The following SLC25A13 variants were observed in gnomAD, a reference collection of about 807,000 sequenced individuals.
SLC25A13 encodes the protein electrogenic aspartate/glutamate antiporter SLC25A13, mitochondrial.
Under a neutral mutation model 85.5 loss-of-function variants are expected in SLC25A13, and 70 were observed. The ratio of observed to expected loss-of-function variants is 0.82; its 90% confidence interval spans 0.68 to 1.00. The LOEUF is 1.00. SLC25A13 is among the 50% of genes least tolerant of loss of function. The probability of loss-of-function intolerance (pLI) is 0.00; values close to 1 mark genes in which losing one functional copy is unlikely to be tolerated. For missense variants in SLC25A13, 765 were observed against 819.8 expected (o/e 0.93, Z 0.82); for synonymous variants, 259 against 288.7 (o/e 0.90, Z 1.04).
chr7:96,123,935 T>G (rs1355243896), intron 15 of SLC25A13, among the ~76,000 whole-genome samples: 2 of 152,206 alleles, frequency 1.3e-5, no homozygotes, highest in Non-Finnish European at 2.9e-5. Flanking sequence ...GAATTTTCTC[T>G]ATTCCTAAAG....
intron 14 of SLC25A13, among the ~76,000 whole-genome samples, chr7:96,134,185 C>A (rs1029716979): frequency 4.0e-5 from 6 of 151,722 alleles, no homozygotes; most frequent in African/African-American, 1.5e-4. Context: ...CAGGTGCCTG[C>A]CACCACGCCC....
chr7:96,295,375 T>G (rs1799307538), intron 2 of SLC25A13, among the ~76,000 whole-genome samples: 1 of 151,854 alleles, frequency 6.6e-6, no homozygotes, highest in African/African-American at 2.4e-5. Context: ...AAAAGAAAAT[T>G]TTTCAAACAT....
At chr7:96,123,478 TG>T (rs1166358704) in intron 15 of SLC25A13, among the ~76,000 whole-genome samples, 2 of 152,176 alleles carry the variant, frequency 1.3e-5, no homozygotes, top group Non-Finnish European at 2.9e-5. Flanking sequence ...AAGTTCCCTT[TG>T]GCTAGGGTAA....
At chr7:96,180,323 T>A (rs1378379403) in intron 11 of SLC25A13, among the ~76,000 whole-genome samples, 1 of 152,212 alleles carries the variant, frequency 6.6e-6, no homozygotes, top group Non-Finnish European at 1.5e-5. Flanking sequence ...GTATTTCTGA[T>A]AGACCCTGAT....
At position 96,219,642 on chromosome 7, in the gene SLC25A13, G is replaced by C. The variant is rs770039987; in HGVS notation, c.329-10665C>G. ...GAGCTTGTTTAAAACACATTCCCAA[G>C]CCCCACACCCAAAAATTATGAATCA... On this transcript the variant is annotated intron_variant, in intron 4 of 17. Transcript: ENST00000265631. 1.1e-5 allele frequency: 6 copies of C among 532,026 alleles called. No individual in the cohort carries two copies. The Admixed American group carries it at 1.2e-4, about 10-fold the overall frequency. The allele number at this position is 532,026 out of a possible 1,614,324, so 33.0% of individuals were successfully genotyped here. A position where few individuals can be genotyped will look rare whatever the true frequency, so the allele number is the denominator to read the frequency against.
At chr7:96,202,654 C>T (rs984546856) in intron 5 of SLC25A13, among the ~76,000 whole-genome samples, 4 of 152,176 alleles carry the variant, frequency 2.6e-5, no homozygotes, top group African/African-American at 7.2e-5. Context: ...CTTCAAAAAA[C>T]CCAACTATAC....
chr7:96,248,746 T>A (rs367924847), intron 3 of SLC25A13, among the ~76,000 whole-genome samples: 1 of 152,222 alleles, frequency 6.6e-6, no homozygotes. Context: ...TTTGAATGAA[T>A]GTTTCTATGA....
chr7:96,202,696 A>G (rs1242865536), intron 5 of SLC25A13, among the ~76,000 whole-genome samples: 1 of 152,326 alleles, frequency 6.6e-6, no homozygotes, highest in African/African-American at 2.4e-5. Context: ...ACAGTAAATC[A>G]TCTCAACACC....
At chr7:96,221,920 C>G (rs1796144740) in intron 4 of SLC25A13, among the ~76,000 whole-genome samples, 1 of 152,204 alleles carries the variant, frequency 6.6e-6, no homozygotes, top group Non-Finnish European at 1.5e-5. Context: ...TAACTGAGGA[C>G]TCGCTTAGAA....
intron 5 of SLC25A13, among the ~76,000 whole-genome samples, chr7:96,206,221 AAGCATCTGCCTTCAC>A (rs1219175221): frequency 6.6e-6 from 1 of 152,236 alleles, no homozygotes; most frequent in Non-Finnish European, 1.5e-5. Flanking sequence ...TCAAGCAACC[AAGCATCTGCCTTCAC>A]AGCTTTGGCA....
chr7:96,189,820 A>T, intron 7 of SLC25A13, 146 bp from the exon 8 acceptor site: 1 of 771,792 alleles, frequency 1.3e-6, no homozygotes, highest in African/African-American at 1.7e-5. Flanking sequence ...CAAATAAGGT[A>T]AGAATTTTTG....
At chr7:96,272,402 A>G (rs1158867926) in intron 3 of SLC25A13, among the ~76,000 whole-genome samples, 2 of 152,236 alleles carry the variant, frequency 1.3e-5, no homozygotes, top group Non-Finnish European at 2.9e-5. Context: ...TAAAGTTTAT[A>G]TATTTCCCAG....
At chr7:96,302,833 A>C (rs1472917070) in intron 1 of SLC25A13, among the ~76,000 whole-genome samples, 2 of 152,222 alleles carry the variant, frequency 1.3e-5, no homozygotes. Context: ...CCAGACCCAA[A>C]GAATCAGAAA....
chr7:96,142,351 G>A (rs1392173441), intron 14 of SLC25A13, among the ~76,000 whole-genome samples: 3 of 152,168 alleles, frequency 2.0e-5, no homozygotes, highest in Admixed American at 6.5e-5. Flanking sequence ...AAGTGAAAAT[G>A]TGATATCTGG....
intron 3 of SLC25A13, among the ~76,000 whole-genome samples, chr7:96,240,813 C>T (rs1236304209): frequency 6.6e-6 from 1 of 150,744 alleles, no homozygotes; most frequent in Non-Finnish European, 1.5e-5. Flanking sequence ...TTATGAGGTC[C>T]TGTGATGGTA....
chr7:96,236,553 T>A (rs1040876220), intron 3 of SLC25A13, among the ~76,000 whole-genome samples: 1 of 152,224 alleles, frequency 6.6e-6, no homozygotes, highest in Non-Finnish European at 1.5e-5. Flanking sequence ...GAAGAACAAA[T>A]TTTAAAGCTG....
At chr7:96,181,868 C>T (rs931999861) in intron 11 of SLC25A13, among the ~76,000 whole-genome samples, 1 of 152,108 alleles carries the variant, frequency 6.6e-6, no homozygotes, top group Non-Finnish European at 1.5e-5. Flanking sequence ...TAACAGTTTT[C>T]CTCTGGAATA....
At chr7:96,307,153 A>T (rs1461949839) in intron 1 of SLC25A13, among the ~76,000 whole-genome samples, 1 of 149,566 alleles carries the variant, frequency 6.7e-6, no homozygotes, top group East Asian at 1.9e-4. Flanking sequence ...AAAAAAAAAT[A>T]AAGAAAATTA....
intron 11 of SLC25A13, 52 bp downstream of exon 11, chr7:96,184,225 C>A: frequency 1.2e-6 from 2 of 1,606,762 alleles, no homozygotes; most frequent in South Asian, 1.1e-5. Flanking sequence ...GATGAGAAAC[C>A]AAACCTTTGA....
Sources: allele counts gnomAD v4.1 joint callset (sites outside exome capture counted in the v4.1 genomes callset), GRCh38; gene constraint gnomAD v4.1.1; transcripts MANE v1.5; gene names NCBI Gene and HGNC (gene_info 2026-07-23, HGNC 2026-07-21).